Variants in RANBP2 observed in about 807,000 individuals in gnomAD.
RANBP2 encodes the protein E3 SUMO-protein ligase RanBP2.
In RANBP2, 57 loss-of-function variants were observed where a neutral mutation model predicts 303.6. That is an observed-to-expected ratio of 0.19 (90% CI 0.15 to 0.23). RANBP2 has a LOEUF of 0.23. Among genes scored for constraint, RANBP2 ranks in the 10% least tolerant of loss-of-function variants. RANBP2 has a pLI of 1.00. For synonymous variants in RANBP2, 1,167 were observed against 1,301.5 expected, an observed-to-expected ratio of 0.90 and a Z score of 2.23; for missense variants, 3,138 against 3,780.8, an observed-to-expected ratio of 0.83 and a Z score of 4.46.
rs751461598 is a variant in RANBP2 at position 108,753,812 on chromosome 2, A to C, written c.2056-13A>C. On this transcript the variant is annotated splice_polypyrimidine_tract_variant and intron_variant, in intron 14 of 28. Transcript: ENST00000283195. Reference sequence around the variant, plus strand: ...AAAAACCTAATGATTTCATAAAAGCACTATTTGTATAGATTTTTCACAGGA... The same window carrying C: ...AAAAACCTAATGATTTCATAAAAGCCCTATTTGTATAGATTTTTCACAGGA... The C allele has an allele frequency of 6.2e-7, 1 of 1,611,968 alleles. No homozygotes were observed.
the RANBP2 span, chr2:109,667,239 A>C: frequency 1.1e-6 from 1 of 920,632 alleles, no homozygotes; most frequent in Non-Finnish European, 1.8e-6. Context: ...AAACGCAGGC[A>C]AGGTGCTGAA....
At chr2:109,264,240 CT>C in the RANBP2 span, among the ~76,000 whole-genome samples, 1 of 150,456 alleles carries the variant, frequency 6.6e-6, no homozygotes, top group East Asian at 2.0e-4. Flanking sequence ...TGGGTGCTCC[CT>C]GTCCACCTCC....
chr2:108,891,749 A>G, the RANBP2 span, among the ~76,000 whole-genome samples: 1 of 152,052 alleles, frequency 6.6e-6, no homozygotes, highest in Non-Finnish European at 1.5e-5. Context: ...CAATGGCAGT[A>G]GCAGTAGCAG....
the RANBP2 span, among the ~76,000 whole-genome samples, chr2:109,262,913 A>C: frequency 1.3e-5 from 2 of 151,990 alleles, no homozygotes; most frequent in African/African-American, 4.8e-5. Flanking sequence ...GCTCACTGCA[A>C]CCTTTGCCTC....
chr2:108,887,183 C>T, the RANBP2 span, among the ~76,000 whole-genome samples: 1 of 131,802 alleles, frequency 7.6e-6, no homozygotes, highest in Non-Finnish European at 1.6e-5. Flanking sequence ...TCAAAGATCA[C>T]TTGGCCATAA....
At chr2:109,478,016 C>G in the RANBP2 span, among the ~76,000 whole-genome samples, 1 of 152,216 alleles carries the variant, frequency 6.6e-6, no homozygotes, top group Non-Finnish European at 1.5e-5. Flanking sequence ...TGAAATATTA[C>G]TGGAATGATT....
At chr2:109,071,369 A>G in the RANBP2 span, among the ~76,000 whole-genome samples, 2 of 152,156 alleles carry the variant, frequency 1.3e-5, no homozygotes, top group African/African-American at 4.8e-5. Flanking sequence ...AAATTTAGAT[A>G]CCCATTAGAC....
the RANBP2 span, among the ~76,000 whole-genome samples, chr2:109,095,636 A>C: frequency 1.1e-4 from 16 of 152,200 alleles, no homozygotes; most frequent in Non-Finnish European, 2.2e-4. Context: ...GCACACTAAC[A>C]TAGGGGGCCA....
the RANBP2 span, chr2:108,908,031 A>G: frequency 3.7e-6 from 6 of 1,604,924 alleles, no homozygotes; most frequent in African/African-American, 8.0e-5. Flanking sequence ...TGCAAAAACA[A>G]GAGCGATGGT....
At chr2:108,980,323 A>G in the RANBP2 span, among the ~76,000 whole-genome samples, 1 of 151,930 alleles carries the variant, frequency 6.6e-6, no homozygotes, top group African/African-American at 2.4e-5. Context: ...AGGTGAGGAG[A>G]GCAAAAGCCC....
chr2:109,450,090 A>G, the RANBP2 span, among the ~76,000 whole-genome samples: 1 of 152,230 alleles, frequency 6.6e-6, no homozygotes, highest in Non-Finnish European at 1.5e-5. Flanking sequence ...TCAAGCCTGT[A>G]ATCTCAGCAC....
chr2:109,171,731 G>A, the RANBP2 span, among the ~76,000 whole-genome samples: 944 of 152,372 alleles, frequency 6.2e-3, 8 homozygotes, highest in African/African-American at 0.021. Context: ...CCTGCGCCTG[G>A]CGCTGCCCTC....
chr2:108,907,970 C>T, the RANBP2 span: 5 of 1,613,050 alleles, frequency 3.1e-6, no homozygotes, highest in South Asian at 5.5e-5. Context: ...TCATCACTGT[C>T]GACGCTCCGG....
chr2:109,737,733 T>C, the RANBP2 span, among the ~76,000 whole-genome samples: 1 of 152,132 alleles, frequency 6.6e-6, no homozygotes, highest in Non-Finnish European at 1.5e-5. Context: ...TCCTCTCCAG[T>C]ATTTGTTATT....
At chr2:109,673,124 A>T in the RANBP2 span, among the ~76,000 whole-genome samples, 2 of 152,202 alleles carry the variant, frequency 1.3e-5, no homozygotes, top group Non-Finnish European at 1.5e-5. Flanking sequence ...GAGCTACCAT[A>T]CAGGTGCCTC....
At chr2:109,397,809 G>A in the RANBP2 span, among the ~76,000 whole-genome samples, 6 of 152,198 alleles carry the variant, frequency 3.9e-5, no homozygotes, top group Non-Finnish European at 7.3e-5. Flanking sequence ...TTATTCCCCG[G>A]TTGCTCATGG....
At chr2:109,527,568 C>T in the RANBP2 span, among the ~76,000 whole-genome samples, 1 of 152,092 alleles carries the variant, frequency 6.6e-6, no homozygotes, top group Admixed American at 6.6e-5. Context: ...CCCACAGCCA[C>T]ATTAGGATGA....
chr2:109,533,011 C>T, the RANBP2 span, among the ~76,000 whole-genome samples: 1 of 151,984 alleles, frequency 6.6e-6, no homozygotes, highest in Non-Finnish European at 1.5e-5. Context: ...AAGGTCCTGC[C>T]CTCTTGGGGC....
At chr2:109,034,336 C>T in the RANBP2 span, among the ~76,000 whole-genome samples, 36 of 144,802 alleles carry the variant, frequency 2.5e-4, no homozygotes, top group Non-Finnish European at 4.4e-4. Flanking sequence ...TCAATTTCTA[C>T]GTTTATCCAA....
Sources: gnomAD v4.1 joint callset for allele counts (sites outside exome capture counted in the v4.1 genomes callset) on GRCh38, gnomAD v4.1.1 for gene constraint, MANE v1.5 for transcripts, NCBI Gene and HGNC (gene_info 2026-07-23, HGNC 2026-07-21) for gene names.